Variants in NTN4 observed in about 807,000 individuals in gnomAD.
NTN4 encodes netrin-4.
A neutral mutation model predicts 73.6 loss-of-function variants in NTN4; 32 were observed. The observed-to-expected ratio is 0.44, with a 90% confidence interval of 0.33 to 0.58. The LOEUF (loss-of-function observed/expected upper bound fraction) is 0.58, where lower values mean the gene tolerates loss of function less well. Ranked by LOEUF, NTN4 falls within the 20% of genes least tolerant of loss-of-function variation. NTN4 has a pLI of 0.04. For missense variants in NTN4, 654 were observed against 798.3 expected (o/e 0.82, Z 2.18); for synonymous variants, 258 against 287.5 (o/e 0.90, Z 1.04).
At chr12:95,772,091 T>G (rs1470536535) in intron 2 of NTN4, among the ~76,000 whole-genome samples, 3 of 152,138 alleles carry the variant, frequency 2.0e-5, no homozygotes, top group Admixed American at 2.0e-4. Context: ...CAGACTGGAG[T>G]GCAGTGGTGC....
chr12:95,698,140 G>A (rs2078455985), intron 5 of NTN4, among the ~76,000 whole-genome samples: 1 of 152,148 alleles, frequency 6.6e-6, no homozygotes, highest in South Asian at 2.1e-4. Context: ...TATCCTCGGG[G>A]ATCCTGGAAC....
rs771438926 is a variant in NTN4, at chr12:95,667,192, CT to C, written c.1580-1213del. Among the ~76,000 whole-genome samples the C allele has an allele frequency of 3.7e-3, 504 of 136,972 alleles. 1 individual carries two copies. Among genetic ancestry groups the C allele is most frequent in the Middle Eastern group, 3.8e-3 (1 of 264 alleles). The allele number at this position is 136,972 out of a possible 152,430, so 89.9% of individuals were successfully genotyped here. Reference sequence around the variant, plus strand: ...GAACACTAGGGAACGTAGGGAAGTTCTTTTTTTTTTTTTTTGAGATGGAGTC... The same window carrying C: ...GAACACTAGGGAACGTAGGGAAGTTCTTTTTTTTTTTTTTGAGATGGAGTC... On this transcript the variant is annotated intron_variant, in intron 8 of 9. Coordinates refer to ENST00000343702, the MANE Select transcript of NTN4 (RefSeq NM_021229.4).
chr12:95,747,337 C>T (rs1227264723), intron 2 of NTN4, among the ~76,000 whole-genome samples: 1 of 148,462 alleles, frequency 6.7e-6, no homozygotes, highest in African/African-American at 2.6e-5. Context: ...GTATTGTTTT[C>T]TTTTTTTTTC....
At chr12:95,785,986 T>C (rs559340639) in intron 2 of NTN4, among the ~76,000 whole-genome samples, 30 of 152,230 alleles carry the variant, frequency 2.0e-4, no homozygotes, top group Middle Eastern at 3.4e-3. Flanking sequence ...TAGATGCCAG[T>C]GGTGTTCCTC....
At chr12:95,776,686 T>G (rs1045390862) in intron 2 of NTN4, among the ~76,000 whole-genome samples, 9 of 152,210 alleles carry the variant, frequency 5.9e-5, no homozygotes, top group African/African-American at 2.2e-4. Flanking sequence ...TACATCTGAT[T>G]GGTGTGCCTG....
At chr12:95,709,741 C>T (rs1372790456) in intron 5 of NTN4, among the ~76,000 whole-genome samples, 1 of 152,112 alleles carries the variant, frequency 6.6e-6, no homozygotes, top group Admixed American at 6.6e-5. Context: ...CCATGTTGCC[C>T]AGGCTGGTCT....
intron 5 of NTN4, among the ~76,000 whole-genome samples, chr12:95,695,896 A>G (rs1258387859): frequency 6.6e-6 from 1 of 150,956 alleles, no homozygotes; most frequent in African/African-American, 2.4e-5. Flanking sequence ...ACTTGGGTGC[A>G]CCATTCTCTC....
chr12:95,772,037 G>T (rs947828076), intron 2 of NTN4, among the ~76,000 whole-genome samples: 2 of 151,972 alleles, frequency 1.3e-5, no homozygotes, highest in East Asian at 3.9e-4. Flanking sequence ...TAGTGAGATT[G>T]GTTTTCTTTC....
intron 3 of NTN4, among the ~76,000 whole-genome samples, chr12:95,735,949 A>ATTTTTTTT (rs869136440): frequency 1.5e-5 from 2 of 137,010 alleles, no homozygotes; most frequent in Non-Finnish European, 3.1e-5. Context: ...TTATTTATTT[A>ATTTTTTTT]TTTTTTTGAG....
At chr12:95,761,049 T>C (rs183863306) in intron 2 of NTN4, among the ~76,000 whole-genome samples, 1 of 152,342 alleles carries the variant, frequency 6.6e-6, no homozygotes, top group East Asian at 1.9e-4. Flanking sequence ...ATGCGCAGCA[T>C]ATAAATAGCG....
At chr12:95,757,326 A>G (rs1256764275) in intron 2 of NTN4, among the ~76,000 whole-genome samples, 1 of 152,178 alleles carries the variant, frequency 6.6e-6, no homozygotes, top group East Asian at 1.9e-4. Context: ...TAATTAACCT[A>G]TCCAACATCA....
chr12:95,680,302 G>A (rs892071471), intron 7 of NTN4, among the ~76,000 whole-genome samples: 5 of 152,220 alleles, frequency 3.3e-5, no homozygotes, highest in African/African-American at 4.8e-5. Context: ...CTACAAATTC[G>A]TAAGAAAATT....
chr12:95,673,355 T>C, intron 7 of NTN4: 1 of 252,240 alleles, frequency 4.0e-6, no homozygotes. Flanking sequence ...ACTTGGGTTT[T>C]TGCGACCGCT....
intron 3 of NTN4, among the ~76,000 whole-genome samples, chr12:95,716,709 A>G (rs2078608206): frequency 6.6e-6 from 1 of 152,156 alleles, no homozygotes; most frequent in Admixed American, 6.5e-5. Flanking sequence ...TCAGAAGTTG[A>G]AAAGGTTGTT....
intron 5 of NTN4, 48 bp downstream of exon 5, chr12:95,710,393 A>T (rs2078555385): frequency 6.7e-7 from 1 of 1,482,028 alleles, no homozygotes; most frequent in Non-Finnish European, 9.3e-7. Flanking sequence ...AAAGAGATTC[A>T]TCTCTTGTAC....
chr12:95,696,932 G>A (rs751567244), intron 5 of NTN4, among the ~76,000 whole-genome samples: 22 of 152,078 alleles, frequency 1.4e-4, no homozygotes, highest in African/African-American at 2.2e-4. Flanking sequence ...TACTTTGGGA[G>A]GTTGAGGCCG....
chr12:95,718,984 C>T (rs1412161820), intron 3 of NTN4, among the ~76,000 whole-genome samples: 3 of 152,094 alleles, frequency 2.0e-5, no homozygotes, highest in Non-Finnish European at 2.9e-5. Flanking sequence ...GAAAATCCAC[C>T]TGGTTAATGC....
At chr12:95,782,176 A>C (rs2079137613) in intron 2 of NTN4, among the ~76,000 whole-genome samples, 1 of 151,980 alleles carries the variant, frequency 6.6e-6, no homozygotes. Flanking sequence ...TCACTCATTT[A>C]TTTATTCAGT....
At chr12:95,684,607 G>A (rs1055463301) in intron 5 of NTN4, among the ~76,000 whole-genome samples, 1 of 151,462 alleles carries the variant, frequency 6.6e-6, no homozygotes, top group South Asian at 2.1e-4. Flanking sequence ...GCGCCTGGCC[G>A]TAAGTCTTTA....
Sources: gnomAD v4.1 joint callset for allele counts (sites outside exome capture counted in the v4.1 genomes callset) on GRCh38, gnomAD v4.1.1 for gene constraint, MANE v1.5 for transcripts, NCBI Gene and HGNC (gene_info 2026-07-23, HGNC 2026-07-21) for gene names.